CTNNA2: variants seen among roughly 807,000 people sequenced by gnomAD.
CTNNA2 encodes catenin alpha-2.
A neutral mutation model predicts 101.0 loss-of-function variants in CTNNA2; 42 were observed. That is an observed-to-expected ratio of 0.42 (90% CI 0.32 to 0.54). CTNNA2 has a LOEUF of 0.54. Ranked by LOEUF, CTNNA2 falls within the 20% of genes least tolerant of loss-of-function variation. CTNNA2 has a pLI of 0.14. For missense variants in CTNNA2, 871 were observed against 1,223.1 expected (o/e 0.71, Z 4.29); for synonymous variants, 450 against 456.4 (o/e 0.99, Z 0.18).
intron 2 of CTNNA2, among the ~76,000 whole-genome samples, chr2:79,725,579 T>A (rs1038513775): frequency 2.0e-5 from 3 of 152,208 alleles, no homozygotes; most frequent in African/African-American, 7.2e-5. Context: ...TTCTGAGAGT[T>A]TTTTTGGATC....
Position 79,768,956 on chromosome 2 carries a change from G to A in CTNNA2, c.298+24374G>A, listed in dbSNP as rs564694557. On this transcript the variant is annotated intron_variant, in intron 3 of 18. Coordinates refer to ENST00000402739, the MANE Select transcript of CTNNA2 (RefSeq NM_001282597.3). ...TGCAAGCTCCACCTCCCGGGTTCAC[G>A]CCATTCTCCTGCCTCAGCCTCCTGA... Among the ~76,000 whole-genome samples, 134 of 152,218 alleles carry A rather than the reference G, an allele frequency of 8.8e-4. 2 individuals are homozygous for A. The highest frequency in any genetic ancestry group is 2.8e-3 in the African/African-American group (115 of 41,540).
intron 9 of CTNNA2, among the ~76,000 whole-genome samples, chr2:80,452,834 C>T (rs991738551): frequency 6.8e-6 from 1 of 147,158 alleles, no homozygotes; most frequent in Non-Finnish European, 1.5e-5. Flanking sequence ...ATGATAAGAT[C>T]TATCATTTAG....
At chr2:80,237,157 G>A (rs1171602136) in intron 7 of CTNNA2, among the ~76,000 whole-genome samples, 1 of 152,094 alleles carries the variant, frequency 6.6e-6, no homozygotes, top group Non-Finnish European at 1.5e-5. Context: ...TGTCTTACAA[G>A]TCATACAAGA....
At chr2:79,884,689 T>C (rs903276255) in intron 6 of CTNNA2, among the ~76,000 whole-genome samples, 1 of 152,164 alleles carries the variant, frequency 6.6e-6, no homozygotes, top group African/African-American at 2.4e-5. Context: ...TTTACCTAAT[T>C]TTCCCTACCT....
At chr2:79,809,407 C>T (rs1676833071) in intron 3 of CTNNA2, among the ~76,000 whole-genome samples, 1 of 152,186 alleles carries the variant, frequency 6.6e-6, no homozygotes, top group Admixed American at 6.5e-5. Context: ...CTTCCACTAA[C>T]AGTGTAAAAG....
At chr2:79,287,808 T>G (rs940719349) in intron 2 of CTNNA2, among the ~76,000 whole-genome samples, 7 of 152,218 alleles carry the variant, frequency 4.6e-5, no homozygotes, top group African/African-American at 1.2e-4. Context: ...TTTGTTTACC[T>G]AAGCAAGCCT....
intron 7 of CTNNA2, among the ~76,000 whole-genome samples, chr2:80,049,734 G>C (rs1324539757): frequency 6.6e-6 from 1 of 152,124 alleles, no homozygotes; most frequent in East Asian, 1.9e-4. Flanking sequence ...TGTATTCATG[G>C]CCCCCCAGGA....
intron 9 of CTNNA2, among the ~76,000 whole-genome samples, chr2:80,432,881 A>G (rs1681669950): frequency 6.6e-6 from 1 of 152,106 alleles, no homozygotes; most frequent in African/African-American, 2.4e-5. Context: ...AAAGCCTGTA[A>G]TGTATCTTTA....
intron 4 of CTNNA2, among the ~76,000 whole-genome samples, chr2:79,434,295 C>CA (rs367927495): frequency 0.025 from 2,347 of 95,164 alleles, 77 homozygotes; most frequent in East Asian, 0.16. Context: ...GAGACTCTGT[C>CA]AAAAAAAAAA....
At chr2:79,783,038 C>G (rs547821290) in intron 3 of CTNNA2, among the ~76,000 whole-genome samples, 23 of 151,000 alleles carry the variant, frequency 1.5e-4, no homozygotes, top group African/African-American at 5.4e-4. Context: ...AGCAATTGTG[C>G]TTAGTAATTT....
At chr2:79,544,046 C>A (rs944802503) in intron 1 of CTNNA2, among the ~76,000 whole-genome samples, 1 of 152,080 alleles carries the variant, frequency 6.6e-6, no homozygotes, top group Admixed American at 6.6e-5. Context: ...TCAAGAGATT[C>A]TCTTGCCCAG....
intron 9 of CTNNA2, among the ~76,000 whole-genome samples, chr2:80,498,686 G>A (rs2149529108): frequency 6.6e-6 from 1 of 152,340 alleles, no homozygotes; most frequent in East Asian, 1.9e-4. Flanking sequence ...ATTCCTGCCA[G>A]CATTTCAGCA....
At chr2:79,220,065 T>G (rs928385512) in intron 2 of CTNNA2, among the ~76,000 whole-genome samples, 6 of 152,164 alleles carry the variant, frequency 3.9e-5, no homozygotes, top group African/African-American at 1.4e-4. Context: ...TTGTTGTAAA[T>G]TCTAGTATAT....
intron 4 of CTNNA2, among the ~76,000 whole-genome samples, chr2:79,478,525 G>A (rs186955821): frequency 5.3e-5 from 8 of 152,312 alleles, no homozygotes; most frequent in African/African-American, 7.2e-5. Flanking sequence ...TGATGGGAAT[G>A]AGAAATAACC....
chr2:79,254,787 T>G (rs1674820394), intron 2 of CTNNA2, among the ~76,000 whole-genome samples: 1 of 149,734 alleles, frequency 6.7e-6, no homozygotes, highest in South Asian at 2.1e-4. Context: ...TAAAATAAAA[T>G]GAAAGTAAAT....
chr2:79,334,163 G>A (rs573221245), intron 3 of CTNNA2, among the ~76,000 whole-genome samples: 1 of 152,258 alleles, frequency 6.6e-6, no homozygotes, highest in South Asian at 2.1e-4. Context: ...CTATAGCGCT[G>A]CAGAACACTA....
At chr2:80,013,313 A>G (rs1693913172) in intron 7 of CTNNA2, among the ~76,000 whole-genome samples, 1 of 152,168 alleles carries the variant, frequency 6.6e-6, no homozygotes, top group Admixed American at 6.5e-5. Flanking sequence ...AGTCAAAAGA[A>G]CTAACCATTA....
chr2:80,069,705 C>A (rs1558777733), intron 7 of CTNNA2, among the ~76,000 whole-genome samples: 1 of 151,300 alleles, frequency 6.6e-6, no homozygotes, highest in Non-Finnish European at 1.5e-5. Flanking sequence ...AATATATGTA[C>A]GTGTGTGTGT....
At chr2:79,984,355 G>A (rs2103854367) in intron 7 of CTNNA2, among the ~76,000 whole-genome samples, 1 of 152,138 alleles carries the variant, frequency 6.6e-6, no homozygotes, top group South Asian at 2.1e-4. Context: ...TTATTGATGG[G>A]GGCATTGATC....
Sources: gnomAD v4.1 joint callset for allele counts (sites outside exome capture counted in the v4.1 genomes callset) on GRCh38, gnomAD v4.1.1 for gene constraint, MANE v1.5 for transcripts, NCBI Gene and HGNC (gene_info 2026-07-23, HGNC 2026-07-21) for gene names.